The following PLD5 variants were observed in gnomAD, a reference collection of about 807,000 sequenced individuals.
PLD5 encodes inactive phospholipase D5.
A neutral mutation model predicts 61.1 loss-of-function variants in PLD5; 36 were observed. The ratio of observed to expected loss-of-function variants is 0.59; its 90% CI spans 0.45 to 0.78. The LOEUF is 0.78. PLD5 is among the 30% of genes least tolerant of loss of function. PLD5 has a pLI of 0.00. For missense variants in PLD5, 515 were observed against 644.4 expected, an observed-to-expected ratio of 0.80 and a Z score of 2.17; for synonymous variants, 243 against 242.8, an observed-to-expected ratio of 1.00 and a Z score of -0.01.
chr1:242,194,630 C>CTATG (rs1558328859), intron 5 of PLD5, among the ~76,000 whole-genome samples: 15 of 86,928 alleles, frequency 1.7e-4, no homozygotes, highest in East Asian at 4.6e-4. Flanking sequence ...ATCTATCTAT[C>CTATG]TATCTATCTA....
intron 4 of PLD5, among the ~76,000 whole-genome samples, chr1:242,240,492 C>A (rs963364180): frequency 3.9e-5 from 6 of 152,274 alleles, no homozygotes; most frequent in African/African-American, 1.4e-4. Context: ...TGAATTGATG[C>A]TTTATTAGTA....
intron 1 of PLD5, among the ~76,000 whole-genome samples, chr1:242,493,130 A>G (rs12128054): frequency 0.54 from 81,479 of 152,100 alleles, 22,337 homozygotes; most frequent in Admixed American, 0.6. Flanking sequence ...AGGATATCTC[A>G]CAAAACCATA....
chr1:242,519,249 T>C (rs183640041), intron 1 of PLD5, among the ~76,000 whole-genome samples: 76 of 152,324 alleles, frequency 5.0e-4, no homozygotes, highest in Non-Finnish European at 8.5e-4. Context: ...AATATGAGCC[T>C]AGACCGCTGT....
At chr1:242,231,810 T>C (rs1198089341) in intron 4 of PLD5, among the ~76,000 whole-genome samples, 3 of 151,954 alleles carry the variant, frequency 2.0e-5, no homozygotes, top group Admixed American at 2.0e-4. Flanking sequence ...AATAATTTAC[T>C]TATAAGACAG....
At chr1:242,348,080 G>A (rs1660242102) in intron 2 of PLD5, 26 bp downstream of exon 2, 1 of 1,610,344 alleles carries the variant, frequency 6.2e-7, no homozygotes, top group Non-Finnish European at 8.5e-7. Context: ...CCCCCTAAAA[G>A]AGAATTTTTG....
intron 1 of PLD5, among the ~76,000 whole-genome samples, chr1:242,494,747 C>A (rs944955868): frequency 6.6e-6 from 1 of 152,168 alleles, no homozygotes; most frequent in Admixed American, 6.5e-5. Context: ...CCTATTATCA[C>A]CAATCCTTTC....
At chr1:242,112,339 G>GTGTATATATATATA (rs1370325825) in intron 7 of PLD5, among the ~76,000 whole-genome samples, 1 of 143,418 alleles carries the variant, frequency 7.0e-6, no homozygotes, top group African/African-American at 2.6e-5. Context: ...ATGTATATGT[G>GTGTATATATATATA]TATATATATA....
chr1:242,341,386 T>C (rs1659823536), intron 2 of PLD5, among the ~76,000 whole-genome samples: 1 of 152,250 alleles, frequency 6.6e-6, no homozygotes, highest in Non-Finnish European at 1.5e-5. Context: ...TTGTGTGTAC[T>C]ATGCTGAAGC....
chr1:242,416,171 A>C (rs1664825528), intron 1 of PLD5, among the ~76,000 whole-genome samples: 1 of 152,122 alleles, frequency 6.6e-6, no homozygotes, highest in Non-Finnish European at 1.5e-5. Context: ...CTAAATATAT[A>C]ATTTTCATTG....
At chr1:242,365,078 G>A (rs1661269852) in intron 1 of PLD5, 1 of 152,166 alleles carries the variant, frequency 6.6e-6, no homozygotes, top group African/African-American at 2.4e-5. Flanking sequence ...ATAAGGGGAT[G>A]TTATGAACAA....
rs189007420 is a variant in PLD5, at chr1:242,182,763, A to G, written c.735+37225T>C. The stretch of plus-strand genomic sequence containing the variant: ...GAGGCTGAGGCACAGGAATCTCTTG[A>G]ACCCAGGAGACGGAGGTTGCAGTGA... On this transcript the variant is annotated intron_variant, in intron 5 of 9. Coordinates refer to ENST00000536534, the MANE Select transcript of PLD5 (RefSeq NM_001372062.1). 5.0e-3 allele frequency among the ~76,000 whole-genome samples: 754 copies of G among 152,296 alleles called. 3 individuals are homozygous for G. Among genetic ancestry groups the G allele is most frequent in the Middle Eastern group, 0.034 (10 of 294 alleles).
chr1:242,120,273 T>C (rs1662261375), intron 6 of PLD5, among the ~76,000 whole-genome samples: 1 of 152,196 alleles, frequency 6.6e-6, no homozygotes, highest in South Asian at 2.1e-4. Context: ...GCGACTATAC[T>C]CAACCCCACT....
At chr1:242,183,177 A>G (rs1051325344) in intron 5 of PLD5, among the ~76,000 whole-genome samples, 7 of 152,240 alleles carry the variant, frequency 4.6e-5, no homozygotes, top group Non-Finnish European at 1.0e-4. Context: ...CACCAGTTCT[A>G]GAGCAAATAT....
At chr1:242,257,310 T>C (rs958008416) in intron 4 of PLD5, among the ~76,000 whole-genome samples, 1 of 152,154 alleles carries the variant, frequency 6.6e-6, no homozygotes, top group African/African-American at 2.4e-5. Flanking sequence ...AAGCTCTATG[T>C]TTAATCACTT....
intron 1 of PLD5, among the ~76,000 whole-genome samples, chr1:242,480,051 G>GAAA (rs199551635): frequency 7.6e-6 from 1 of 132,312 alleles, no homozygotes; most frequent in Non-Finnish European, 1.6e-5. Flanking sequence ...CTCTGTCTCA[G>GAAA]AAAAAAAAAA....
At chr1:242,345,905 C>T (rs1218838228) in intron 2 of PLD5, among the ~76,000 whole-genome samples, 2 of 151,286 alleles carry the variant, frequency 1.3e-5, no homozygotes, top group African/African-American at 4.9e-5. Flanking sequence ...GACAGACACA[C>T]AAGAAGTGTA....
intron 6 of PLD5, among the ~76,000 whole-genome samples, chr1:242,116,188 C>T (rs567279480): frequency 1.1e-4 from 17 of 152,234 alleles, no homozygotes; most frequent in African/African-American, 4.1e-4. Context: ...TCCTCCTCAC[C>T]AATTATGTCT....
chr1:242,099,466 T>C (rs1247836937), intron 9 of PLD5, among the ~76,000 whole-genome samples: 6 of 152,160 alleles, frequency 3.9e-5, no homozygotes, highest in Non-Finnish European at 8.8e-5. Flanking sequence ...TCTCTTCTAA[T>C]GTGATATTGA....
chr1:242,482,587 G>A (rs1195328437), intron 1 of PLD5, among the ~76,000 whole-genome samples: 6 of 152,154 alleles, frequency 3.9e-5, no homozygotes, highest in Non-Finnish European at 7.3e-5. Flanking sequence ...TCTGATTGGT[G>A]TACCTGAAAG....
Sources: gnomAD v4.1 joint callset for allele counts (sites outside exome capture counted in the v4.1 genomes callset) on GRCh38, gnomAD v4.1.1 for gene constraint, MANE v1.5 for transcripts, NCBI Gene and HGNC (gene_info 2026-07-23, HGNC 2026-07-21) for gene names.